GART: variants seen among roughly 807,000 people sequenced by gnomAD.
The protein encoded by GART is trifunctional purine biosynthetic protein adenosine-3.
GART carries 43 observed loss-of-function variants against 107.2 expected under a neutral mutation model. The ratio of observed to expected loss-of-function variants is 0.40; its 90% CI spans 0.31 to 0.52. The LOEUF is 0.52. Ranked by LOEUF, GART falls within the 20% of genes least tolerant of loss-of-function variation. GART has a pLI of 0.52. For synonymous variants in GART, 434 were observed against 427.0 expected, an observed-to-expected ratio of 1.02 and a Z score of -0.20; for missense variants, 1,107 against 1,206.5, an observed-to-expected ratio of 0.92 and a Z score of 1.22.
chr21:33,535,552 AC>A (rs1440630655), intron 2 of GART, among the ~76,000 whole-genome samples: 5 of 152,172 alleles, frequency 3.3e-5, no homozygotes, highest in African/African-American at 1.2e-4. Context: ...AGATGAAAAC[AC>A]CAATAAACTT....
chr21:33,511,483 T>A lies in GART; in HGVS notation c.2108-25A>T, dbSNP rs770490141. On this transcript the variant is annotated intron_variant, in intron 16 of 21. Coordinates refer to ENST00000381815, the MANE Select transcript of GART (RefSeq NM_000819.5). ...TCTGAAAAAAATAGACACGAATTGT[T>A]TGATTTTCCTACCTTCTCACACAAA... is the stretch of plus-strand genomic sequence containing the variant. 72 of 1,605,784 alleles carry A rather than the reference T, an allele frequency of 4.5e-5. No individual in the cohort carries two copies. In the Admixed American group the frequency reaches 1.1e-3, roughly 25 times the overall value.
intron 16 of GART, among the ~76,000 whole-genome samples, chr21:33,512,537 AAAT>A (rs1321060367): frequency 1.6e-4 from 24 of 152,096 alleles, no homozygotes; most frequent in African/African-American, 5.3e-4. Context: ...GCTTTTTATT[AAAT>A]AATAAGGTTT....
At chr21:33,530,952 C>A (rs2085175440) in intron 6 of GART, 68 bp from the exon 7 acceptor site, 2 of 1,373,030 alleles carry the variant, frequency 1.5e-6, no homozygotes, top group Non-Finnish European at 9.6e-7. Flanking sequence ...TTTAGTGAGG[C>A]AAACTATATG....
chr21:33,534,178 C>A (rs774161533), intron 4 of GART, among the ~76,000 whole-genome samples: 4 of 152,080 alleles, frequency 2.6e-5, no homozygotes, highest in Non-Finnish European at 5.9e-5. Flanking sequence ...GCCTAAAGAC[C>A]TAGCATTACA....
rs11701506 is a variant in GART at position 33,532,046 on chromosome 21, T to A, written c.528+299A>T. ...GGGACATGTGGGACAAATACTTTTG[T>A]CCTCATGGATGGCTTGATAATTTAT... is the stretch of plus-strand genomic sequence containing the variant. On this transcript the variant is annotated intron_variant, in intron 5 of 21. Transcript: ENST00000381815. 127,169 of 310,204 alleles carry A rather than the reference T, an allele frequency of 0.41. 26,836 individuals carry two copies. Among genetic ancestry groups the A allele is most frequent in the East Asian group, 0.59 (8,232 of 13,994 alleles). The allele number at this position is 310,204 out of a possible 1,614,324, so 19.2% of individuals were successfully genotyped here.
At position 33,531,589 on chromosome 21, in the gene GART, T is replaced by TTA. The variant is rs780882356; in HGVS notation, c.529-33_529-32insTA. On this transcript the variant is annotated intron_variant, in intron 5 of 21. Coordinates refer to ENST00000381815, the MANE Select transcript of GART (RefSeq NM_000819.5). Reference sequence around the variant, plus strand: ...GTAAGATTTTTTTTTTTTTTTTTTTTAAAAAAAGAGGCTTGGTAAGTTTTT... The same window carrying TTA: ...GTAAGATTTTTTTTTTTTTTTTTTTTTAAAAAAAAGAGGCTTGGTAAGTTTTT... 2.3e-4 allele frequency: 275 copies of TTA among 1,204,362 alleles called. No individual in the cohort carries two copies. The African/African-American group carries it at 2.8e-3, about 12-fold the overall frequency. The allele number at this position is 1,204,362 out of a possible 1,614,324, so 74.6% of individuals were successfully genotyped here. A position where few individuals can be genotyped will look rare whatever the true frequency, so the allele number is the denominator to read the frequency against.
intron 16 of GART, among the ~76,000 whole-genome samples, chr21:33,514,110 T>C (rs922333094): frequency 6.6e-6 from 1 of 152,000 alleles, no homozygotes; most frequent in African/African-American, 2.4e-5. Flanking sequence ...CTACTAAAAA[T>C]ACAAAAAATA....
chr21:33,528,254 C>T lies in GART; in HGVS notation c.979G>A (p.Val327Ile). ...AGGGCGGTGTGGTTTTCTAGCCAAA[C>T]AGGCAGAGATGTGCAGAGCAGTCCA... ...LDGLLCTSLP[V>I]WLENHTALTV... Residue 327 changes from valine (V) to isoleucine (I), a missense_variant, in exon 10 of 22, where the codon GTT becomes ATT. Transcript: ENST00000381815. 1 of 1,614,098 alleles carries T rather than the reference C, an allele frequency of 6.2e-7. No homozygotes were observed. Among genetic ancestry groups the T allele is most frequent in the South Asian group, 1.1e-5 (1 of 91,078 alleles).
chr21:33,529,259 T>C (rs1179495794), intron 7 of GART, among the ~76,000 whole-genome samples: 3 of 152,318 alleles, frequency 2.0e-5, no homozygotes, highest in Admixed American at 1.3e-4. Context: ...ACGCTGCATA[T>C]TTCATAAGTC....
rs769656472 is a variant in GART at position 33,517,525 on chromosome 21, C to T, written c.1786G>A (p.Asp596Asn). Residue 596 changes from aspartate to asparagine, a missense_variant, in exon 15 of 22, where the codon GAT (aspartate) becomes AAT (asparagine). Coordinates refer to ENST00000381815, the MANE Select transcript of GART (RefSeq NM_000819.5). ...CTTTCCAGGTGAGGGAGTTTCTGATCTCGCTCCATGGCACCAACGGCAAAC... is the reference window on the plus strand; with the variant it reads ...CTTTCCAGGTGAGGGAGTTTCTGATTTCGCTCCATGGCACCAACGGCAAAC... The part of the protein sequence containing the change: ...AGFAVGAMER[D>N]QKLPHLERIT... 35 of 1,614,092 alleles carry T rather than the reference C, an allele frequency of 2.2e-5. No homozygotes were observed. Among genetic ancestry groups the T allele is most frequent in the Non-Finnish European group, 1.7e-6 (2 of 1,180,052 alleles).
At chr21:33,526,771 G>T (rs2085081722) in intron 10 of GART, among the ~76,000 whole-genome samples, 1 of 152,056 alleles carries the variant, frequency 6.6e-6, no homozygotes, top group Admixed American at 6.5e-5. Flanking sequence ...AACATTATTA[G>T]ACTATATATT....
intron 5 of GART, 40 bp from the exon 6 acceptor site, chr21:33,531,597 G>C (rs2085192381): frequency 6.7e-7 from 1 of 1,503,306 alleles, no homozygotes; most frequent in Non-Finnish European, 9.0e-7. Context: ...TTTAAAAAAA[G>C]AGGCTTGGTA....
intron 2 of GART, among the ~76,000 whole-genome samples, chr21:33,538,046 C>T (rs1264778862): frequency 2.0e-5 from 3 of 151,744 alleles, no homozygotes; most frequent in Non-Finnish European, 4.4e-5. Flanking sequence ...AGTTTGAGAC[C>T]AGCCTGACCA....
chr21:33,515,820 C>T (rs928957932), intron 16 of GART, among the ~76,000 whole-genome samples: 5 of 152,096 alleles, frequency 3.3e-5, no homozygotes, highest in Non-Finnish European at 7.4e-5. Flanking sequence ...AACTCTGCCA[C>T]AACAATCTAG....
intron 14 of GART, 84 bp downstream of exon 14, chr21:33,520,280 A>T: frequency 8.8e-7 from 1 of 1,134,914 alleles, no homozygotes; most frequent in Non-Finnish European, 1.3e-6. Flanking sequence ...CTTGCTAGCT[A>T]CATTGGCACT....
At position 33,513,078 on chromosome 21, in the gene GART, GTTAT is replaced by G. The variant is rs1310534422; in HGVS notation, c.2108-1624_2108-1621del. ...TTATAGGCATGTGCTACCACACTTG[GTTAT>G]TTGTGTGTGTGTGTGTGTGTCTCTG... On this transcript the variant is annotated intron_variant, in intron 16 of 21. Transcript: ENST00000381815. Among the ~76,000 whole-genome samples the G allele has an allele frequency of 2.1e-5, 3 of 145,428 alleles. No individual in the cohort carries two copies. In the East Asian group the frequency reaches 6.2e-4, roughly 30 times the overall value.
chr21:33,539,399 T>G, intron 1 of GART, 43 bp from the exon 2 acceptor site: 1 of 1,493,654 alleles, frequency 6.7e-7, no homozygotes, highest in Non-Finnish European at 9.0e-7. Flanking sequence ...GATGCACATT[T>G]TAGAAACCCA....
intron 20 of GART, 120 bp downstream of exon 20, chr21:33,505,441 T>A: frequency 1.3e-6 from 1 of 745,132 alleles, no homozygotes; most frequent in South Asian, 2.4e-5. Flanking sequence ...AATATCACAG[T>A]CAAACAGGAG....
At position 33,528,248 on chromosome 21, in the gene GART, G is replaced by A; in HGVS notation, c.985C>T (p.Leu329=). 1 of 1,614,084 alleles carries A rather than the reference G, an allele frequency of 6.2e-7. No individual in the cohort carries two copies. Among genetic ancestry groups the A allele is most frequent in the Non-Finnish European group, 8.5e-7 (1 of 1,179,992 alleles). Residue 329 remains leucine (L), a synonymous_variant, in exon 10 of 22, where the codon CTA becomes TTA. Coordinates refer to ENST00000381815, the MANE Select transcript of GART (RefSeq NM_000819.5). ...GLLCTSLPVW[L]ENHTALTVVM... is the part of the protein sequence containing the mutation. ...ACAGTTAGGGCGGTGTGGTTTTCTA[G>A]CCAAACAGGCAGAGATGTGCAGAGC...
Sources: gnomAD v4.1 joint callset for allele counts (sites outside exome capture counted in the v4.1 genomes callset) on GRCh38, gnomAD v4.1.1 for gene constraint, MANE v1.5 for transcripts, NCBI Gene and HGNC (gene_info 2026-07-23, HGNC 2026-07-21) for gene names.